Variants in POTEJ observed in about 807,000 individuals in gnomAD.
The protein encoded by POTEJ is POTE ankyrin domain family, member J.
POTEJ carries 11 observed loss-of-function variants against 69.0 expected under a neutral mutation model. That is an observed-to-expected ratio of 0.16 (90% CI 0.10 to 0.26). POTEJ has a LOEUF of 0.26. Among genes scored for constraint, POTEJ ranks in the 10% least tolerant of loss-of-function variants. The probability of loss-of-function intolerance (pLI) is 1.00; values close to 1 mark genes in which losing one functional copy is unlikely to be tolerated. For synonymous variants in POTEJ, 117 were observed against 381.1 expected, an observed-to-expected ratio of 0.31 and a Z score of 8.07; for missense variants, 327 against 1,045.5, an observed-to-expected ratio of 0.31 and a Z score of 9.48.
At chr2:130,656,504 G>C in intron 14 of POTEJ, 45 bp from the exon 15 acceptor site, 5 of 1,579,326 alleles carry the variant, frequency 3.2e-6, no homozygotes, top group African/African-American at 1.4e-5. Flanking sequence ...ATCATGTTAT[G>C]TCAATCTATT....
chr2:130,623,660 T>A (rs1235832638), intron 5 of POTEJ, among the ~76,000 whole-genome samples: 1 of 127,700 alleles, frequency 7.8e-6, no homozygotes, highest in Non-Finnish European at 1.6e-5. Flanking sequence ...TGTTATCTCG[T>A]TAAATCTTTA....
At chr2:130,651,974 A>ACCCCCC (rs376364470) in intron 13 of POTEJ, among the ~76,000 whole-genome samples, 1 of 119,988 alleles carries the variant, frequency 8.3e-6, no homozygotes, top group African/African-American at 4.3e-5. Flanking sequence ...AAATAAGGAT[A>ACCCCCC]CCCCCCCCCA....
chr2:130,645,508 C>T (rs1402601238), intron 11 of POTEJ, among the ~76,000 whole-genome samples: 25 of 137,822 alleles, frequency 1.8e-4, no homozygotes, highest in African/African-American at 6.6e-4. Context: ...TTATTTTTCA[C>T]ATGTTAGAAG....
intron 5 of POTEJ, chr2:130,623,078 A>G (rs1487415448): frequency 7.1e-6 from 1 of 141,794 alleles, no homozygotes; most frequent in South Asian, 2.2e-4. Flanking sequence ...AAGATGGTCT[A>G]TGAGATGACT....
In POTEJ at chr2:130,611,573, T is replaced by C; in HGVS notation, c.41T>C (p.Val14Ala). 2 of 949,282 alleles carry C rather than the reference T, an allele frequency of 2.1e-6. No individual in the cohort carries two copies. Among genetic ancestry groups the C allele is most frequent in the East Asian group, 4.9e-5 (2 of 40,988 alleles). The allele number at this position is 949,282 out of a possible 1,614,324, so 58.8% of individuals were successfully genotyped here. ...EVDSMPAASS[V>A]KKPFVLRSKM... is the part of the protein sequence containing the mutation. ...GATTCAATGCCGGCTGCCTCTTCTG[T>C]GAAGAAGCCATTTGTTCTCAGGAGC... The change falls in exon 1 of 15, where the codon GTG becomes GCG. Residue 14 changes from valine to alanine, a missense_variant. Physicochemically the swap from Val to Ala is moderately conservative, Grantham distance 64. Transcript: ENST00000409602.
chr2:130,631,278 A>G (rs1212805735), intron 7 of POTEJ, 131 bp from the exon 8 acceptor site: 3 of 172,830 alleles, frequency 1.7e-5, no homozygotes, highest in Non-Finnish European at 3.7e-5. Context: ...TTTAATTTTA[A>G]TTATTTTCTA....
intron 1 of POTEJ, among the ~76,000 whole-genome samples, chr2:130,612,392 CT>C: frequency 6.7e-6 from 1 of 149,624 alleles, no homozygotes; most frequent in East Asian, 2.0e-4. Context: ...TAAATACGTT[CT>C]TTACTGAGGA....
At chr2:130,624,032 A>G (rs1485672906) in intron 5 of POTEJ, 32 bp from the exon 6 acceptor site, 3 of 1,473,126 alleles carry the variant, frequency 2.0e-6, no homozygotes, top group East Asian at 2.4e-5. Flanking sequence ...GTATTAAAAT[A>G]GTAATTTGGT....
At chr2:130,624,408 G>T (rs1371996198) in intron 6 of POTEJ, among the ~76,000 whole-genome samples, 1 of 143,858 alleles carries the variant, frequency 7.0e-6, no homozygotes, top group Admixed American at 6.7e-5. Context: ...GGGGCAAAGT[G>T]AGACAGTGAC....
chr2:130,647,059 A>T (rs1483820206), intron 13 of POTEJ, among the ~76,000 whole-genome samples: 1 of 150,446 alleles, frequency 6.6e-6, no homozygotes, highest in Admixed American at 6.5e-5. Flanking sequence ...TTATGTAAAA[A>T]ATTTGGAGCT....
intron 13 of POTEJ, among the ~76,000 whole-genome samples, chr2:130,654,663 A>T (rs1466273372): frequency 4.2e-5 from 6 of 144,180 alleles, no homozygotes; most frequent in African/African-American, 8.1e-5. Context: ...AATAAAGTGC[A>T]CAATGAATGT....
rs1268770828 is a variant in POTEJ at position 130,631,997 on chromosome 2, G to A, written c.1132-493G>A. On this transcript the variant is annotated intron_variant, in intron 8 of 14. Coordinates refer to ENST00000409602, the MANE Select transcript of POTEJ (RefSeq NM_001277083.2). ...AAAAAGAATGCTCAAAGGCAGTGGG[G>A]GAGAAGAATATCTTAGCGCAGAAAA... Among the ~76,000 whole-genome samples, 5 of 143,616 alleles carry A rather than the reference G, an allele frequency of 3.5e-5. 1 individual carries two copies. Among genetic ancestry groups the A allele is most frequent in the Non-Finnish European group, 7.6e-5 (5 of 65,872 alleles). 94.2% of individuals were successfully genotyped at this position (143,616 alleles called of 152,430 possible). A position where few individuals can be genotyped will look rare whatever the true frequency, so the allele number is the denominator to read the frequency against.
intron 9 of POTEJ, among the ~76,000 whole-genome samples, chr2:130,635,139 T>C (rs1255457141): frequency 1.4e-5 from 2 of 138,346 alleles, no homozygotes; most frequent in East Asian, 2.2e-4. Flanking sequence ...TTCCCAGGGC[T>C]CAGTCCTCAA....
At chr2:130,639,062 G>T (rs1252908374) in intron 10 of POTEJ, among the ~76,000 whole-genome samples, 1 of 151,292 alleles carries the variant, frequency 6.6e-6, no homozygotes, top group African/African-American at 2.5e-5. Context: ...GCTCCTATGA[G>T]TATCTAATGC....
chr2:130,639,240 G>C (rs1313430210), intron 10 of POTEJ, among the ~76,000 whole-genome samples: 2 of 152,310 alleles, frequency 1.3e-5, no homozygotes, highest in Non-Finnish European at 2.9e-5. Context: ...GGGAGTTGTG[G>C]AGCCCTGCTC....
intron 7 of POTEJ, among the ~76,000 whole-genome samples, chr2:130,630,807 G>C (rs1454258557): frequency 6.9e-6 from 1 of 145,362 alleles, no homozygotes; most frequent in Non-Finnish European, 1.5e-5. Flanking sequence ...ATTAGAACTG[G>C]ACTTAAGCAG....
chr2:130,613,245 C>CAT (rs1205829544), intron 1 of POTEJ, among the ~76,000 whole-genome samples: 16 of 126,250 alleles, frequency 1.3e-4, no homozygotes, highest in South Asian at 2.4e-4. Flanking sequence ...CATATATATA[C>CAT]ATATATATAC....
intron 13 of POTEJ, among the ~76,000 whole-genome samples, chr2:130,651,747 A>G (rs1686812400): frequency 7.1e-6 from 1 of 141,704 alleles, no homozygotes; most frequent in African/African-American, 2.7e-5. Flanking sequence ...TTTCTTGTTC[A>G]CTTTTTTCTC....
rs191736803 is a variant in POTEJ at position 130,622,671 on chromosome 2, G to C, written c.944+1068G>C. On this transcript the variant is annotated intron_variant, in intron 5 of 14. Coordinates refer to ENST00000409602, the MANE Select transcript of POTEJ (RefSeq NM_001277083.2). ...TCTGATTTACATGATAATGAAAATT[G>C]TCCCAGCTACTTCCATCTCTAGCTC... Among the ~76,000 whole-genome samples the C allele has an allele frequency of 1.3e-4, 18 of 140,164 alleles. 1 individual carries two copies. Among genetic ancestry groups the C allele is most frequent in the Admixed American group, 6.3e-4 (9 of 14,228 alleles). 92.0% of individuals were successfully genotyped at this position (140,164 alleles called of 152,430 possible).
Sources: gnomAD v4.1 joint callset for allele counts (sites outside exome capture counted in the v4.1 genomes callset) on GRCh38, gnomAD v4.1.1 for gene constraint, MANE v1.5 for transcripts, NCBI Gene and HGNC (gene_info 2026-07-23, HGNC 2026-07-21) for gene names.